Variants in ARL15 observed in about 807,000 individuals in gnomAD.
ARL15 encodes ADP-ribosylation factor-like protein 15.
A neutral mutation model predicts 25.2 loss-of-function variants in ARL15; 19 were observed. The observed-to-expected ratio is 0.75, with a 90% CI of 0.53 to 1.10. ARL15 has a LOEUF of 1.10. Among genes scored for constraint, ARL15 ranks in the 50% least tolerant of loss-of-function variants. The probability of loss-of-function intolerance (pLI) is 0.00; values close to 1 mark genes in which losing one functional copy is unlikely to be tolerated. For synonymous variants in ARL15, 94 were observed against 86.8 expected (o/e 1.08, Z -0.46); for missense variants, 220 against 246.0 (o/e 0.89, Z 0.71).
intron 1 of ARL15, among the ~76,000 whole-genome samples, chr5:54,209,505 CATATACAACCCTG>C (rs1411465205): frequency 1.3e-5 from 2 of 152,136 alleles, no homozygotes; most frequent in Admixed American, 6.5e-5. Flanking sequence ...AGAAAATGTT[CATATACAACCCTG>C]ATAAAAATAA....
chr5:54,195,408 C>G (rs1481683033), intron 1 of ARL15, among the ~76,000 whole-genome samples: 2 of 152,104 alleles, frequency 1.3e-5, no homozygotes, highest in African/African-American at 4.8e-5. Flanking sequence ...GCTACTACAA[C>G]AACTGAAGGC....
In ARL15 at chr5:54,139,371, C is replaced by A. The variant is rs918898289; in HGVS notation, c.253+15209G>T. Among the ~76,000 whole-genome samples, 8 of 152,064 alleles carry A rather than the reference C, an allele frequency of 5.3e-5. No homozygotes were observed. The East Asian group carries it at 1.5e-3, about 29-fold the overall frequency. On this transcript the variant is annotated intron_variant, in intron 3 of 4. Coordinates refer to ENST00000504924, the MANE Select transcript of ARL15 (RefSeq NM_019087.3). ...GAATAATGACTTTTGCAGCAACTTGCGTGAAGCTAGAGGTCATTATTCTAA... is the reference window on the plus strand; with the variant it reads ...GAATAATGACTTTTGCAGCAACTTGAGTGAAGCTAGAGGTCATTATTCTAA...
At chr5:53,932,726 C>T (rs982935929) in intron 4 of ARL15, among the ~76,000 whole-genome samples, 2 of 152,108 alleles carry the variant, frequency 1.3e-5, no homozygotes, top group Admixed American at 6.5e-5. Context: ...GACACAGTGT[C>T]AGTGTGAAGT....
chr5:54,156,039 T>C (rs1468953430), intron 2 of ARL15, among the ~76,000 whole-genome samples: 1 of 152,212 alleles, frequency 6.6e-6, no homozygotes, highest in Admixed American at 6.5e-5. Context: ...TGAGGTAAGT[T>C]ATGAAAAAAT....
intron 4 of ARL15, among the ~76,000 whole-genome samples, chr5:54,085,009 T>C (rs1751920965): frequency 6.6e-6 from 1 of 152,186 alleles, no homozygotes; most frequent in Non-Finnish European, 1.5e-5. Context: ...CAGATTTTAA[T>C]AAAAACAACC....
chr5:54,303,565 T>A (rs1327080588), intron 1 of ARL15, among the ~76,000 whole-genome samples: 4 of 138,502 alleles, frequency 2.9e-5, no homozygotes, highest in Non-Finnish European at 6.1e-5. Context: ...TTGGGGCAGG[T>A]AGGAATGTGC....
intron 4 of ARL15, among the ~76,000 whole-genome samples, chr5:54,003,767 T>G (rs1245152772): frequency 7.2e-6 from 1 of 138,010 alleles, no homozygotes; most frequent in Non-Finnish European, 1.6e-5. Flanking sequence ...ATCATTCTTG[T>G]GCCCCTCCTT....
At chr5:54,004,651 C>A (rs889388206) in intron 4 of ARL15, among the ~76,000 whole-genome samples, 5 of 152,136 alleles carry the variant, frequency 3.3e-5, no homozygotes, top group African/African-American at 1.2e-4. Context: ...TATCACAGAG[C>A]CATTTGCACT....
chr5:54,275,571 A>C (rs1757906133), intron 1 of ARL15, among the ~76,000 whole-genome samples: 1 of 152,210 alleles, frequency 6.6e-6, no homozygotes, highest in Non-Finnish European at 1.5e-5. Context: ...AGAAGCACTG[A>C]GGCAATGGAA....
intron 4 of ARL15, among the ~76,000 whole-genome samples, chr5:53,932,341 A>G (rs1488390621): frequency 6.6e-6 from 1 of 152,220 alleles, no homozygotes; most frequent in African/African-American, 2.4e-5. Flanking sequence ...AAGGGAGTGT[A>G]AACCAAACGG....
At chr5:54,152,885 A>G (rs767311912) in intron 3 of ARL15, among the ~76,000 whole-genome samples, 7 of 152,162 alleles carry the variant, frequency 4.6e-5, no homozygotes, top group Non-Finnish European at 1.0e-4. Context: ...TTGATCTTTC[A>G]TTGTACTGAA....
chr5:53,918,846 A>G (rs923279956), intron 4 of ARL15, among the ~76,000 whole-genome samples: 2 of 151,978 alleles, frequency 1.3e-5, no homozygotes, highest in Admixed American at 6.5e-5. Flanking sequence ...AAAAAGCTGC[A>G]TTATTTTCGA....
At chr5:53,998,819 A>G (rs1748767392) in intron 4 of ARL15, among the ~76,000 whole-genome samples, 1 of 152,224 alleles carries the variant, frequency 6.6e-6, no homozygotes, top group African/African-American at 2.4e-5. Context: ...AGAGACAGAC[A>G]TGGGAATTGG....
intron 4 of ARL15, among the ~76,000 whole-genome samples, chr5:54,011,919 G>T (rs933802820): frequency 6.6e-6 from 1 of 151,986 alleles, no homozygotes; most frequent in African/African-American, 2.4e-5. Flanking sequence ...TGTGGCAAGA[G>T]AATTTCTTGA....
intron 2 of ARL15, among the ~76,000 whole-genome samples, chr5:54,162,644 C>T (rs984798407): frequency 1.4e-4 from 21 of 152,098 alleles, no homozygotes; most frequent in Admixed American, 7.2e-4. Flanking sequence ...CAATATTTGG[C>T]TAACAGTTGT....
intron 4 of ARL15, among the ~76,000 whole-genome samples, chr5:53,957,162 T>G (rs1747187668): frequency 6.6e-6 from 1 of 152,024 alleles, no homozygotes. Context: ...ATAATCAAAT[T>G]ATTGAAAGCC....
intron 4 of ARL15, among the ~76,000 whole-genome samples, chr5:53,989,784 C>T (rs894176163): frequency 6.6e-6 from 1 of 152,146 alleles, no homozygotes; most frequent in Non-Finnish European, 1.5e-5. Context: ...ACTCCTTCCA[C>T]AGAATAGTGT....
chr5:54,153,063 G>C (rs1220767361), intron 3 of ARL15, among the ~76,000 whole-genome samples: 1 of 152,094 alleles, frequency 6.6e-6, no homozygotes, highest in Non-Finnish European at 1.5e-5. Flanking sequence ...TAAAAGCTTT[G>C]TGTCCAACCT....
At chr5:54,088,572 C>T (rs1752045028) in intron 4 of ARL15, among the ~76,000 whole-genome samples, 1 of 152,150 alleles carries the variant, frequency 6.6e-6, no homozygotes, top group Non-Finnish European at 1.5e-5. Context: ...AGGCAAAACC[C>T]ATTCTCAATG....
Sources: allele counts gnomAD v4.1 joint callset (sites outside exome capture counted in the v4.1 genomes callset), GRCh38; gene constraint gnomAD v4.1.1; transcripts MANE v1.5; gene names NCBI Gene and HGNC (gene_info 2026-07-23, HGNC 2026-07-21).